Variants in SEPTIN4 observed in about 807,000 individuals in gnomAD.
SEPTIN4 encodes the protein septin-4.
SEPTIN4 carries 52 observed loss-of-function variants against 107.1 expected under a neutral mutation model. That is an observed-to-expected ratio of 0.49 (90% CI 0.39 to 0.61). SEPTIN4 has a LOEUF of 0.61. Among genes scored for constraint, SEPTIN4 ranks in the 20% least tolerant of loss-of-function variants. The probability of loss-of-function intolerance (pLI) is 0.00; values close to 1 mark genes in which losing one functional copy is unlikely to be tolerated. For synonymous variants in SEPTIN4, 417 were observed against 467.0 expected, an observed-to-expected ratio of 0.89 and a Z score of 1.38; for missense variants, 1,048 against 1,243.5, an observed-to-expected ratio of 0.84 and a Z score of 2.36.
Position 58,525,302 on chromosome 17 carries a change from C to G in SEPTIN4, c.2093-101G>C, listed in dbSNP as rs1001612826. The G allele has an allele frequency of 2.1e-6, 3 of 1,421,710 alleles. No individual in the cohort carries two copies. The African/African-American group carries it at 4.2e-5, about 20-fold the overall frequency. The allele number at this position is 1,421,710 out of a possible 1,614,324, so 88.1% of individuals were successfully genotyped here. ...GCCTTGTTGCTCAGACTGCCTAATC[C>G]ACACTGCCCCCTTCTCCACTCCCAA... On this transcript the variant is annotated intron_variant, in intron 6 of 13. Transcript: ENST00000672673.
At chr17:58,540,614 T>C (rs1428092734) in intron 3 of SEPTIN4, 52 bp downstream of exon 3, 3 of 1,307,864 alleles carry the variant, frequency 2.3e-6, no homozygotes, top group Non-Finnish European at 2.9e-6. Context: ...TGGATTTGGA[T>C]TGTGGGGTGG....
At chr17:58,534,283 T>G (rs1000291718) in intron 3 of SEPTIN4, among the ~76,000 whole-genome samples, 1 of 152,250 alleles carries the variant, frequency 6.6e-6, no homozygotes, top group Non-Finnish European at 1.5e-5. Context: ...GCTAACCTAC[T>G]GCAGCATTCG....
intron 7 of SEPTIN4, chr17:58,524,508 A>G (rs1410764281): frequency 6.6e-6 from 1 of 152,044 alleles, no homozygotes; most frequent in Non-Finnish European, 1.5e-5. Context: ...CTATGTAATC[A>G]ACTCTGTGCT....
At chr17:58,532,516 A>C (rs2043551940) in intron 3 of SEPTIN4, among the ~76,000 whole-genome samples, 1 of 152,206 alleles carries the variant, frequency 6.6e-6, no homozygotes, top group Admixed American at 6.5e-5. Context: ...ACACCTCCTA[A>C]AGGGGAATGT....
chr17:58,538,123 A>G lies in SEPTIN4; in HGVS notation c.1614+2543T>C, dbSNP rs1326120738. Among the ~76,000 whole-genome samples the G allele has an allele frequency of 6.6e-6, 1 of 152,192 alleles. No individual in the cohort carries two copies. The highest frequency in any genetic ancestry group is 2.4e-5 in the African/African-American group (1 of 41,452). On this transcript the variant is annotated intron_variant, in intron 3 of 13. Coordinates refer to ENST00000672673, the MANE Select transcript of SEPTIN4 (RefSeq NM_001368771.2). This position sits in a 1 kb window ranked among gnomAD's most constrained non-coding sequence, Gnocchi z 4.7. ...AGGGAGGGTTCCTTTCACATAGCCC[A>G]TGACCTAGGATTCTGTGAACATCCT...
chr17:58,529,849 G>C (rs927951880), intron 3 of SEPTIN4: 1 of 147,670 alleles, frequency 6.8e-6, no homozygotes, highest in African/African-American at 2.5e-5. Context: ...TCAGAAATCT[G>C]CTCCTAAATT....
chr17:58,526,398 C>A (rs1354076589), intron 4 of SEPTIN4, 85 bp from the exon 5 acceptor site: 9 of 1,395,040 alleles, frequency 6.5e-6, no homozygotes, highest in Middle Eastern at 1.9e-4. Flanking sequence ...CCCTTTCAGG[C>A]CTTTGCCCCA....
At position 58,526,751 on chromosome 17, in the gene SEPTIN4, T is replaced by A; in HGVS notation, c.1842A>T (p.Pro614=). Residue 614 remains proline (P), a synonymous_variant, in exon 4 of 14, where the codon CCA becomes CCT. Coordinates refer to ENST00000672673, the MANE Select transcript of SEPTIN4 (RefSeq NM_001368771.2). ...SSDNQQYFCA[P]APLSPSARPR... is the part of the protein sequence containing the mutation. Reference sequence around the variant, plus strand: ...GCCTGGCAGATGGGCTGAGAGGGGCTGGGGCACAGAAGTACTGCTGGTTGT... The same window carrying A: ...GCCTGGCAGATGGGCTGAGAGGGGCAGGGGCACAGAAGTACTGCTGGTTGT... The A allele has an allele frequency of 6.2e-7, 1 of 1,612,628 alleles. No homozygotes were observed.
chr17:58,540,604 T>G, intron 3 of SEPTIN4, 62 bp downstream of exon 3: 1 of 1,264,426 alleles, frequency 7.9e-7, no homozygotes, highest in Non-Finnish European at 1.0e-6. Flanking sequence ...GGACAGGAGA[T>G]GGATTTGGAT....
Position 58,542,653 on chromosome 17 carries a change from T to C in SEPTIN4, c.1534A>G (p.Ile512Val). The C allele has an allele frequency of 2.5e-6, 4 of 1,613,448 alleles. No individual in the cohort carries two copies. Among genetic ancestry groups the C allele is most frequent in the Middle Eastern group, 1.7e-4 (1 of 5,986 alleles). ...AGGAAGAAAGCAGTAAACCTTTGAA[T>C]GGGTTGTTTGCAGGTGTGCTTGGGG... is the stretch of plus-strand genomic sequence containing the variant. ...QTPKHTCKQP[I>V]QRFTAFFLDV... Residue 512 changes from isoleucine (I) to valine (V), a missense_variant, in exon 1 of 14, where the codon ATT (isoleucine) becomes GTT (valine). Ile to Val is a conservative substitution (Grantham distance 29). Coordinates refer to ENST00000672673, the MANE Select transcript of SEPTIN4 (RefSeq NM_001368771.2).
chr17:58,529,008 C>T, intron 3 of SEPTIN4: 2 of 1,381,706 alleles, frequency 1.4e-6, no homozygotes, highest in South Asian at 1.2e-5. Context: ...CATCCCCACT[C>T]CCAGCTCTGC....
Position 58,543,232 on chromosome 17 carries a change from A to T in SEPTIN4, c.955T>A (p.Ser319Thr). Residue 319 changes from serine (S) to threonine (T), a missense_variant, in exon 1 of 14, where the codon TCC becomes ACC. Ser to Thr is a moderately conservative substitution (Grantham distance 58). Transcript: ENST00000672673. The part of the protein sequence containing the change: ...AKVLVSSQVE[S>T]NVRTPIRGNS... ...CCTCGGATTGGGGTCCTCACGTTGG[A>T]CTCCACCTGTGATGATACTAAGACC... 2 of 1,613,590 alleles carry T rather than the reference A, an allele frequency of 1.2e-6. No individual in the cohort carries two copies. The highest frequency in any genetic ancestry group is 1.7e-6 in the Non-Finnish European group (2 of 1,179,900).
In SEPTIN4 at chr17:58,543,207, C is replaced by A. The variant is rs2043930827; in HGVS notation, c.980G>T (p.Gly327Val). The A allele has an allele frequency of 6.2e-7, 1 of 1,614,114 alleles. No homozygotes were observed. The highest frequency in any genetic ancestry group is 1.1e-5 in the South Asian group (1 of 91,074). ...GACCCTGCGGCCAACCTCGCTGTTT[C>A]CTCGGATTGGGGTCCTCACGTTGGA... ...VESNVRTPIRGNSEVGRRVTI... is the reference protein window; with the variant it reads ...VESNVRTPIRVNSEVGRRVTI... Residue 327 changes from glycine to valine, a missense_variant, in exon 1 of 14, where the codon GGA becomes GTA. By Grantham distance (109) the Gly-to-Val change is moderately radical (BLOSUM62 -3). Around this residue, in one of 2 missense-constraint regions of SEPTIN4, gnomAD observed 787 missense variants for 871.8 expected, o/e 0.90. Transcript: ENST00000672673.
intron 3 of SEPTIN4, among the ~76,000 whole-genome samples, chr17:58,537,645 CT>C (rs2043758179): frequency 6.6e-6 from 1 of 152,132 alleles, no homozygotes; most frequent in Non-Finnish European, 1.5e-5. Context: ...GCCTGACCAA[CT>C]TGGTGAAACC....
chr17:58,528,995 G>C, intron 3 of SEPTIN4: 1 of 1,221,404 alleles, frequency 8.2e-7, no homozygotes. Context: ...CCTCCTGCCT[G>C]TCCATCCCCA....
chr17:58,525,828 T>G, intron 5 of SEPTIN4, 47 bp from the exon 6 acceptor site: 1 of 1,535,792 alleles, frequency 6.5e-7, no homozygotes, highest in Non-Finnish European at 9.0e-7. Flanking sequence ...GTAAGATCTA[T>G]AGCCAAAAAG....
intron 3 of SEPTIN4, among the ~76,000 whole-genome samples, chr17:58,535,485 T>C (rs770176348): frequency 3.9e-5 from 6 of 152,240 alleles, no homozygotes; most frequent in Non-Finnish European, 5.9e-5. Flanking sequence ...CTCGAATACA[T>C]ACCTCCGATG....
chr17:58,531,728 A>C, intron 3 of SEPTIN4: 1 of 244,632 alleles, frequency 4.1e-6, no homozygotes, highest in Non-Finnish European at 7.2e-6. Flanking sequence ...GAGCGCAGGC[A>C]TCACCCAGGG....
At chr17:58,536,607 G>A (rs924047918) in intron 3 of SEPTIN4, among the ~76,000 whole-genome samples, 4 of 152,136 alleles carry the variant, frequency 2.6e-5, no homozygotes, top group Non-Finnish European at 4.4e-5. Context: ...TGACTTTGCC[G>A]GCAGTGGGTG....
Sources: gnomAD v4.1 joint callset for allele counts (sites outside exome capture counted in the v4.1 genomes callset) on GRCh38, gnomAD v4.1.1 for gene constraint, gnomAD v4.1.1 regional missense constraint, Gnocchi (gnomAD v3.1) non-coding constraint, MANE v1.5 for transcripts, NCBI Gene and HGNC (gene_info 2026-07-23, HGNC 2026-07-21) for gene names.